The following SCEL variants were observed in gnomAD, a reference collection of about 807,000 sequenced individuals.
SCEL encodes sciellin.
In SCEL, 113 loss-of-function variants were observed where a neutral mutation model predicts 117.6. That is an observed-to-expected ratio of 0.96 (90% CI 0.83 to 1.12). The LOEUF is 1.12. SCEL is among the 50% of genes most tolerant of loss of function. The probability of loss-of-function intolerance (pLI) is 0.00; values close to 1 mark genes in which losing one functional copy is unlikely to be tolerated. For missense variants in SCEL, 785 were observed against 810.8 expected (o/e 0.97, Z 0.39); for synonymous variants, 270 against 256.2 (o/e 1.05, Z -0.51).
intron 1 of SCEL, among the ~76,000 whole-genome samples, chr13:77,548,401 G>T (rs2084113271): frequency 6.6e-6 from 1 of 152,206 alleles, no homozygotes; most frequent in Non-Finnish European, 1.5e-5. Flanking sequence ...TAGAGAGAAA[G>T]ATCCTGAGGC....
intron 4 of SCEL, among the ~76,000 whole-genome samples, chr13:77,560,149 G>A (rs2084894904): frequency 6.6e-6 from 1 of 152,008 alleles, no homozygotes; most frequent in Admixed American, 6.6e-5. Flanking sequence ...GATCATATCA[G>A]GCCGGGTGCC....
chr13:77,594,598 G>A (rs1219449731), intron 12 of SCEL, among the ~76,000 whole-genome samples: 1 of 152,156 alleles, frequency 6.6e-6, no homozygotes, highest in Non-Finnish European at 1.5e-5. Flanking sequence ...ATCATACTCA[G>A]TTTTGTTTCC....
At chr13:77,538,332 G>A (rs1423126610) in intron 1 of SCEL, among the ~76,000 whole-genome samples, 2 of 152,050 alleles carry the variant, frequency 1.3e-5, no homozygotes, top group Non-Finnish European at 2.9e-5. Flanking sequence ...GGCCAGGCTG[G>A]TCTTGAACTC....
At position 77,618,035 on chromosome 13, in the gene SCEL, C is replaced by A. The variant is rs138192721; in HGVS notation, c.1603C>A (p.Pro535Thr). ...QDLDNLIKVK[P>T]SALRNTNRDQ... is the part of the protein sequence containing the mutation. ...CTTGGACAATCTTATTAAAGTGAAA[C>A]CTTCAGCTCTTAGAAACACTAATCG... The change falls in exon 27 of 33, where the codon CCT (proline) becomes ACT (threonine). Residue 535 changes from proline to threonine, a missense_variant. Coordinates refer to ENST00000349847, the MANE Select transcript of SCEL (RefSeq NM_144777.3). 82 of 1,613,096 alleles carry A rather than the reference C, an allele frequency of 5.1e-5. No individual in the cohort carries two copies. In the African/African-American group the frequency reaches 9.9e-4, roughly 19 times the overall value.
At chr13:77,552,181 A>T (rs1475064947) in intron 1 of SCEL, among the ~76,000 whole-genome samples, 1 of 151,594 alleles carries the variant, frequency 6.6e-6, no homozygotes, top group Non-Finnish European at 1.5e-5. Flanking sequence ...TTATAGCAGC[A>T]TGATTTATAG....
rs869157105 is a variant in SCEL at position 77,605,229 on chromosome 13, ATG to A, written c.1157+818_1157+819del. Reference sequence around the variant, plus strand: ...CATAATATTATTTGTTGATTCTAACATGTGTCATGGATGCCTGCAGGCCCAGT... The same window carrying A: ...CATAATATTATTTGTTGATTCTAACATGTCATGGATGCCTGCAGGCCCAGT... On this transcript the variant is annotated intron_variant, in intron 19 of 32. Coordinates refer to ENST00000349847, the MANE Select transcript of SCEL (RefSeq NM_144777.3). Among the ~76,000 whole-genome samples, 6 of 104,308 alleles carry A rather than the reference ATG, an allele frequency of 5.8e-5. No individual in the cohort carries two copies. The East Asian group carries it at 1.6e-3, about 28-fold the overall frequency. 68.4% of individuals were successfully genotyped at this position (104,308 alleles called of 152,430 possible).
intron 22 of SCEL, among the ~76,000 whole-genome samples, 153 bp downstream of exon 22, chr13:77,610,259 T>C (rs953390730): frequency 2.6e-5 from 4 of 152,078 alleles, no homozygotes; most frequent in Non-Finnish European, 4.4e-5. Context: ...GAGACCATCC[T>C]GGCTAACATG....
At chr13:77,596,688 G>GGTGTGTGTGTGTGTGT (rs71102762) in intron 12 of SCEL, among the ~76,000 whole-genome samples, 3 of 145,364 alleles carry the variant, frequency 2.1e-5, no homozygotes, top group Non-Finnish European at 3.0e-5. Context: ...GGTGGGGCAA[G>GGTGTGTGTGTGTGTGT]GTGTGTGTGT....
At chr13:77,569,277 G>A (rs1840315303) in intron 7 of SCEL, 94 bp from the exon 8 acceptor site, 3 of 916,322 alleles carry the variant, frequency 3.3e-6, no homozygotes, top group Non-Finnish European at 5.2e-6. Flanking sequence ...CAGAGAGCAG[G>A]CAGGAATATG....
intron 4 of SCEL, 86 bp from the exon 5 acceptor site, chr13:77,563,745 T>G: frequency 1.0e-6 from 1 of 962,140 alleles, no homozygotes; most frequent in Non-Finnish European, 1.6e-6. Flanking sequence ...TAGGTCAAAA[T>G]ATTGCCATAT....
At chr13:77,579,394 A>G (rs1248861712) in intron 9 of SCEL, among the ~76,000 whole-genome samples, 1 of 152,180 alleles carries the variant, frequency 6.6e-6, no homozygotes, top group Admixed American at 6.5e-5. Context: ...AATATTTCTT[A>G]ATATCTACTA....
At chr13:77,627,798 G>T (rs2089818978) in intron 27 of SCEL, 149 bp from the exon 28 acceptor site, 2 of 267,688 alleles carry the variant, frequency 7.5e-6, no homozygotes, top group Non-Finnish European at 1.5e-5. Flanking sequence ...GGATCAAATA[G>T]CTCAATGTCA....
At chr13:77,562,210 G>A (rs1381848529) in intron 4 of SCEL, among the ~76,000 whole-genome samples, 1 of 152,132 alleles carries the variant, frequency 6.6e-6, no homozygotes, top group African/African-American at 2.4e-5. Flanking sequence ...ATAACATGTT[G>A]AAACATGTCT....
intron 1 of SCEL, among the ~76,000 whole-genome samples, chr13:77,553,690 T>C (rs972339255): frequency 1.3e-5 from 2 of 151,892 alleles, no homozygotes; most frequent in African/African-American, 4.8e-5. Context: ...CATCCAACCA[T>C]ACGTCTCCTA....
At chr13:77,586,608 A>G (rs1241109131) in intron 9 of SCEL, among the ~76,000 whole-genome samples, 1 of 152,152 alleles carries the variant, frequency 6.6e-6, no homozygotes. Flanking sequence ...GGCTAATGGT[A>G]AATCCAACTC....
At chr13:77,604,947 T>G (rs576732917) in intron 19 of SCEL, among the ~76,000 whole-genome samples, 1 of 152,092 alleles carries the variant, frequency 6.6e-6, no homozygotes, top group Admixed American at 6.5e-5. Context: ...TGCGTGTGTG[T>G]GGGATATTTG....
intron 19 of SCEL, among the ~76,000 whole-genome samples, chr13:77,606,105 T>C (rs1486960963): frequency 6.6e-6 from 1 of 152,242 alleles, no homozygotes; most frequent in Non-Finnish European, 1.5e-5. Flanking sequence ...TGTGCATGTG[T>C]GCATTCATGT....
intron 27 of SCEL, among the ~76,000 whole-genome samples, chr13:77,626,504 T>A (rs959864383): frequency 1.3e-5 from 2 of 152,154 alleles, no homozygotes; most frequent in African/African-American, 4.8e-5. Flanking sequence ...CAAATTATAA[T>A]CTCCACATCT....
At chr13:77,587,153 A>T (rs2154399632) in intron 9 of SCEL, among the ~76,000 whole-genome samples, 1 of 152,076 alleles carries the variant, frequency 6.6e-6, no homozygotes, top group South Asian at 2.1e-4. Flanking sequence ...TTGTTATTTT[A>T]CTGAGAAAAT....
Sources: gnomAD v4.1 joint callset for allele counts (sites outside exome capture counted in the v4.1 genomes callset) on GRCh38, gnomAD v4.1.1 for gene constraint, MANE v1.5 for transcripts, NCBI Gene and HGNC (gene_info 2026-07-23, HGNC 2026-07-21) for gene names.